The following XYLB variants were observed in gnomAD, a reference collection of about 807,000 sequenced individuals.
XYLB encodes the protein xylulokinase, also known as xylulose kinase.
A neutral mutation model predicts 78.7 loss-of-function variants in XYLB; 62 were observed. The ratio of observed to expected loss-of-function variants is 0.79; its 90% CI spans 0.64 to 0.97. XYLB has a LOEUF of 0.97. Ranked by LOEUF, XYLB falls within the 50% of genes least tolerant of loss-of-function variation. The pLI, the probability that XYLB is intolerant of heterozygous loss-of-function variation, is 0.00. For synonymous variants in XYLB, 245 were observed against 247.4 expected (o/e 0.99, Z 0.09); for missense variants, 687 against 676.8 (o/e 1.02, Z -0.17).
the XYLB span, among the ~76,000 whole-genome samples, chr3:38,430,126 AC>A: frequency 6.6e-6 from 1 of 152,218 alleles, no homozygotes; most frequent in East Asian, 1.9e-4. Context: ...TTGAGGAATC[AC>A]CACACTGTCT....
chr3:38,392,087 C>T, intron 15 of XYLB, among the ~76,000 whole-genome samples: 1 of 152,178 alleles, frequency 6.6e-6, no homozygotes, highest in East Asian at 1.9e-4. Context: ...GCTTCTGCTG[C>T]TGAGTGTAAG....
At chr3:38,354,812 A>G (rs567131196) in intron 2 of XYLB, among the ~76,000 whole-genome samples, 1 of 152,320 alleles carries the variant, frequency 6.6e-6, no homozygotes, top group Admixed American at 6.5e-5. Flanking sequence ...CCTGTTGTTA[A>G]TATTTTTATT....
the XYLB span, among the ~76,000 whole-genome samples, chr3:38,440,847 T>C: frequency 6.6e-6 from 1 of 151,216 alleles, no homozygotes; most frequent in Non-Finnish European, 1.5e-5. Context: ...TCTTTCTCTC[T>C]GACTTTCTGT....
At chr3:38,417,344 T>A (rs1336006465), downstream of XYLB, among the ~76,000 whole-genome samples, 1 of 152,046 alleles carries the variant, frequency 6.6e-6, no homozygotes. Context: ...GAATCAAGAT[T>A]GTTGTCCCAC....
At chr3:38,372,535 T>C in intron 9 of XYLB, 120 bp from the exon 10 acceptor site, 6 of 1,544,276 alleles carry the variant, frequency 3.9e-6, no homozygotes, top group Non-Finnish European at 5.2e-6. Context: ...CTGCAAAAGA[T>C]TCCTTCAGGT....
intron 18 of XYLB, among the ~76,000 whole-genome samples, chr3:38,411,436 C>T (rs1215585580): frequency 4.6e-5 from 7 of 151,704 alleles, no homozygotes; most frequent in African/African-American, 1.2e-4. Context: ...TGCTAAATGA[C>T]GAGTTAATGA....
chr3:38,409,687 AG>A (rs1187947097), intron 18 of XYLB, among the ~76,000 whole-genome samples: 1 of 152,250 alleles, frequency 6.6e-6, no homozygotes, highest in African/African-American at 2.4e-5. Context: ...ACTTCAGCAA[AG>A]TCTCAGGATA....
At chr3:38,410,228 T>C (rs1306799227) in intron 18 of XYLB, among the ~76,000 whole-genome samples, 6 of 150,498 alleles carry the variant, frequency 4.0e-5, no homozygotes, top group South Asian at 4.3e-4. Flanking sequence ...GAAATAATGC[T>C]GCATATCTAC....
At chr3:38,439,391 GC>G in the XYLB span, among the ~76,000 whole-genome samples, 2 of 152,168 alleles carry the variant, frequency 1.3e-5, no homozygotes, top group African/African-American at 4.8e-5. Flanking sequence ...AGGCCCAAAG[GC>G]AAGTAATAGC....
chr3:38,415,409 ATATCT>A (rs1463085993), downstream of XYLB, among the ~76,000 whole-genome samples: 7 of 152,208 alleles, frequency 4.6e-5, no homozygotes, highest in African/African-American at 1.7e-4. Flanking sequence ...TGACCATTGA[ATATCT>A]TTGTAGATCT....
intron 13 of XYLB, 63 bp downstream of exon 13, chr3:38,376,295 G>A (rs1706852776): frequency 1.5e-6 from 2 of 1,298,904 alleles, no homozygotes; most frequent in Non-Finnish European, 2.2e-6. Flanking sequence ...GAGGGGCAGA[G>A]CCTGGGGCCC....
chr3:38,445,624 C>T, the XYLB span, among the ~76,000 whole-genome samples: 3 of 152,144 alleles, frequency 2.0e-5, no homozygotes, highest in Admixed American at 6.5e-5. Flanking sequence ...TTTGTTGGGA[C>T]CTTGGAGCTG....
intron 15 of XYLB, among the ~76,000 whole-genome samples, chr3:38,394,606 T>C (rs189046024): frequency 1.3e-5 from 2 of 152,386 alleles, no homozygotes; most frequent in African/African-American, 4.8e-5. Context: ...TTTGTAGTTG[T>C]ATTAGTTATC....
At chr3:38,418,571 C>T (rs6807940), downstream of XYLB, among the ~76,000 whole-genome samples, 7 of 152,016 alleles carry the variant, frequency 4.6e-5, no homozygotes, top group African/African-American at 1.4e-4. Context: ...CATTAATATA[C>T]GACAGATTGA....
intron 9 of XYLB, among the ~76,000 whole-genome samples, chr3:38,371,899 A>G (rs1303369597): frequency 1.3e-5 from 2 of 152,216 alleles, no homozygotes; most frequent in African/African-American, 2.4e-5. Flanking sequence ...GGGCAGACAG[A>G]AAACAGCCAA....
intron 17 of XYLB, among the ~76,000 whole-genome samples, chr3:38,399,113 G>A (rs1708017672): frequency 1.3e-5 from 2 of 151,932 alleles, no homozygotes; most frequent in Admixed American, 1.3e-4. Flanking sequence ...GTTTTGTTTT[G>A]TTTTGTTTAA....
chr3:38,355,901 T>C, intron 2 of XYLB: 1 of 648,686 alleles, frequency 1.5e-6, no homozygotes, highest in Non-Finnish European at 2.8e-6. Flanking sequence ...TATCAAGCCA[T>C]AGAAATGTGT....
intron 2 of XYLB, among the ~76,000 whole-genome samples, chr3:38,359,553 T>C (rs951743023): frequency 2.0e-5 from 3 of 152,250 alleles, no homozygotes; most frequent in African/African-American, 4.8e-5. Context: ...TAAGTTATAA[T>C]TGTGTACATA....
intron 2 of XYLB, among the ~76,000 whole-genome samples, chr3:38,352,033 T>G (rs1219197453): frequency 6.6e-6 from 1 of 152,216 alleles, no homozygotes; most frequent in Non-Finnish European, 1.5e-5. Flanking sequence ...GGAAATGACA[T>G]ACCAGGAGTA....
Sources: allele counts gnomAD v4.1 joint callset (sites outside exome capture counted in the v4.1 genomes callset), GRCh38; gene constraint gnomAD v4.1.1; transcripts MANE v1.5; gene names NCBI Gene and HGNC (gene_info 2026-07-23, HGNC 2026-07-21).